RANBP2: variants seen among roughly 807,000 people sequenced by gnomAD.
RANBP2 encodes the protein E3 SUMO-protein ligase RanBP2.
Under a neutral mutation model 303.6 loss-of-function variants are expected in RANBP2, and 57 were observed. The observed-to-expected ratio is 0.19, with a 90% CI of 0.15 to 0.23. The LOEUF (loss-of-function observed/expected upper bound fraction) is 0.23, where lower values mean the gene tolerates loss of function less well. Ranked by LOEUF, RANBP2 falls within the 10% of genes least tolerant of loss-of-function variation. The probability of loss-of-function intolerance (pLI) is 1.00; values close to 1 mark genes in which losing one functional copy is unlikely to be tolerated. For missense variants in RANBP2, 3,138 were observed against 3,780.8 expected, an observed-to-expected ratio of 0.83 and a Z score of 4.46; for synonymous variants, 1,167 against 1,301.5, an observed-to-expected ratio of 0.90 and a Z score of 2.23.
the RANBP2 span, among the ~76,000 whole-genome samples, chr2:109,675,647 A>G: frequency 2.6e-5 from 4 of 152,084 alleles, no homozygotes. Flanking sequence ...CCACCATTGC[A>G]CTCCAGCCTG....
chr2:108,728,238 A>G (rs1694884705), intron 1 of RANBP2, among the ~76,000 whole-genome samples: 1 of 152,162 alleles, frequency 6.6e-6, no homozygotes. Flanking sequence ...TCCAAGGCTG[A>G]TGAAAATTCT....
the RANBP2 span, among the ~76,000 whole-genome samples, chr2:109,310,676 C>T: frequency 1.7e-5 from 1 of 59,700 alleles, no homozygotes; most frequent in Non-Finnish European, 2.7e-5. Context: ...ACCGATCCCA[C>T]AGAAATACAA....
chr2:109,228,430 A>G, the RANBP2 span, among the ~76,000 whole-genome samples: 2 of 152,156 alleles, frequency 1.3e-5, no homozygotes, highest in Non-Finnish European at 2.9e-5. Context: ...TGCACCCAGA[A>G]CACTTCTGAT....
the RANBP2 span, among the ~76,000 whole-genome samples, chr2:109,513,677 C>A: frequency 6.6e-6 from 1 of 152,184 alleles, no homozygotes; most frequent in African/African-American, 2.4e-5. Flanking sequence ...AGGACACCTG[C>A]GTAGATGAGG....
chr2:109,469,420 G>T, the RANBP2 span, among the ~76,000 whole-genome samples: 1 of 152,208 alleles, frequency 6.6e-6, no homozygotes, highest in Non-Finnish European at 1.5e-5. Flanking sequence ...TTCCATGCAT[G>T]CATCCGCTGC....
chr2:108,811,245 C>CTT, the RANBP2 span, among the ~76,000 whole-genome samples: 55 of 109,618 alleles, frequency 5.0e-4, 14 homozygotes, highest in Admixed American at 6.2e-4. Context: ...CTTTCTCTCT[C>CTT]TCTTTTTTTT....
At chr2:108,947,697 T>A in the RANBP2 span, among the ~76,000 whole-genome samples, 1 of 152,032 alleles carries the variant, frequency 6.6e-6, no homozygotes, top group African/African-American at 2.4e-5. Flanking sequence ...GGAGCTGGAG[T>A]GGCTGGGATG....
chr2:109,323,886 G>A, the RANBP2 span, among the ~76,000 whole-genome samples: 2 of 152,110 alleles, frequency 1.3e-5, no homozygotes, highest in Non-Finnish European at 2.9e-5. Context: ...TGACAGAGCT[G>A]TGCAACCACC....
At chr2:109,689,737 T>C in the RANBP2 span, among the ~76,000 whole-genome samples, 1 of 152,326 alleles carries the variant, frequency 6.6e-6, no homozygotes, top group Non-Finnish European at 1.5e-5. Context: ...TCTAAAAGCA[T>C]AGTCAAGCAC....
chr2:109,029,520 C>A, the RANBP2 span, among the ~76,000 whole-genome samples: 5 of 152,208 alleles, frequency 3.3e-5, no homozygotes, highest in Non-Finnish European at 7.3e-5. Context: ...CTGTCCGTTT[C>A]CAAGGGAAAA....
chr2:109,203,823 C>G, the RANBP2 span, among the ~76,000 whole-genome samples: 3 of 151,838 alleles, frequency 2.0e-5, no homozygotes, highest in Admixed American at 1.3e-4. Context: ...GACTCTGAAG[C>G]GTTTGCTCTC....
At chr2:109,253,485 G>A in the RANBP2 span, among the ~76,000 whole-genome samples, 1 of 152,264 alleles carries the variant, frequency 6.6e-6, no homozygotes, top group Admixed American at 6.5e-5. Context: ...CAGCTCTCAT[G>A]TTTCCCAGGC....
At chr2:109,357,383 G>A in the RANBP2 span, among the ~76,000 whole-genome samples, 193 of 152,176 alleles carry the variant, frequency 1.3e-3, 1 homozygote, top group African/African-American at 4.2e-3. Context: ...AGGTTTCACC[G>A]TGTTAGCCAG....
the RANBP2 span, among the ~76,000 whole-genome samples, chr2:109,054,197 G>A: frequency 5.9e-5 from 9 of 152,194 alleles, no homozygotes; most frequent in Admixed American, 3.3e-4. Context: ...CCCTTCCCTC[G>A]TTAACAGACC....
At chr2:109,614,359 G>T in the RANBP2 span, 3 of 774,006 alleles carry the variant, frequency 3.9e-6, no homozygotes, top group Non-Finnish European at 5.2e-6. Context: ...GAGTCCTCTG[G>T]CCTCAGACGC....
At chr2:108,992,264 T>A in the RANBP2 span, among the ~76,000 whole-genome samples, 2 of 152,202 alleles carry the variant, frequency 1.3e-5, no homozygotes, top group African/African-American at 4.8e-5. Context: ...CTGTTCCAGT[T>A]GCTGGGTAGA....
At chr2:108,743,434 T>G (rs1696275762) in intron 7 of RANBP2, among the ~76,000 whole-genome samples, 1 of 152,158 alleles carries the variant, frequency 6.6e-6, no homozygotes, top group Non-Finnish European at 1.5e-5. Flanking sequence ...CCACCATGCC[T>G]GGCTACATTG....
chr2:108,928,590 G>C, the RANBP2 span, among the ~76,000 whole-genome samples: 218 of 152,324 alleles, frequency 1.4e-3, 1 homozygote, highest in Non-Finnish European at 2.5e-3. Flanking sequence ...GTGGCCACTA[G>C]GGGGAGGAAG....
At chr2:108,889,542 CT>C in the RANBP2 span, among the ~76,000 whole-genome samples, 1 of 149,972 alleles carries the variant, frequency 6.7e-6, no homozygotes, top group Non-Finnish European at 1.5e-5. Flanking sequence ...ATATAATAAC[CT>C]TTTTTTCTTT....
Sources: gnomAD v4.1 joint callset for allele counts (sites outside exome capture counted in the v4.1 genomes callset) on GRCh38, gnomAD v4.1.1 for gene constraint, MANE v1.5 for transcripts, NCBI Gene and HGNC (gene_info 2026-07-23, HGNC 2026-07-21) for gene names.